The following SLC25A16 variants were observed in gnomAD, a reference collection of about 807,000 sequenced individuals.
SLC25A16 encodes solute carrier family 25 member 16.
Under a neutral mutation model 41.5 loss-of-function variants are expected in SLC25A16, and 39 were observed. The ratio of observed to expected loss-of-function variants is 0.94; its 90% confidence interval spans 0.73 to 1.23. SLC25A16 has a LOEUF of 1.23. Ranked by LOEUF, SLC25A16 falls within the 50% of genes most tolerant of loss-of-function variation. The probability of loss-of-function intolerance (pLI) is 0.00; values close to 1 mark genes in which losing one functional copy is unlikely to be tolerated. For missense variants in SLC25A16, 421 were observed against 426.9 expected (o/e 0.99, Z 0.12); for synonymous variants, 146 against 147.8 (o/e 0.99, Z 0.09).
intron 2 of SLC25A16, among the ~76,000 whole-genome samples, chr10:68,508,576 G>C (rs2052999591): frequency 6.6e-6 from 1 of 151,754 alleles, no homozygotes; most frequent in African/African-American, 2.4e-5. Flanking sequence ...AAATTATCTG[G>C]GCATGGTGGC....
In SLC25A16 at chr10:68,480,560, G is replaced by A. The variant is rs755241177; in HGVS notation, c.*2872C>T. 1 of 127,656 alleles carries A rather than the reference G, an allele frequency of 7.8e-6. No individual in the cohort carries two copies. Among genetic ancestry groups the A allele is most frequent in the Non-Finnish European group, 1.5e-5 (1 of 64,734 alleles). The allele number at this position is 127,656 out of a possible 1,614,324, so 7.9% of individuals were successfully genotyped here. A position where few individuals can be genotyped will look rare whatever the true frequency, so the allele number is the denominator to read the frequency against. ...CGCCCAGGTTAGAATGCAGTGGCAC[G>A]ATCTCGGCTCACTGCAAGCTCCGCC... On this transcript the variant is annotated 3_prime_UTR_variant, in exon 9 of 9. Transcript: ENST00000609923.
chr10:68,502,688 C>T (rs966879315), intron 4 of SLC25A16, among the ~76,000 whole-genome samples: 15 of 140,954 alleles, frequency 1.1e-4, no homozygotes, highest in Non-Finnish European at 1.5e-4. Context: ...GTTGTGATCA[C>T]GCCACTGCAC....
At chr10:68,484,847 T>C (rs2052533118) in intron 8 of SLC25A16, among the ~76,000 whole-genome samples, 1 of 152,112 alleles carries the variant, frequency 6.6e-6, no homozygotes, top group African/African-American at 2.4e-5. Context: ...AATGGAATGG[T>C]TCTAAATTAC....
At position 68,506,634 on chromosome 10, in the gene SLC25A16, A is replaced by T; in HGVS notation, c.308T>A (p.Ile103Asn). The T allele has an allele frequency of 6.2e-7, 1 of 1,605,946 alleles. No individual in the cohort carries two copies. The highest frequency in any genetic ancestry group is 1.1e-5 in the South Asian group (1 of 89,696). The change falls in exon 3 of 9, where the codon ATC becomes AAC. Residue 103 changes from isoleucine (I) to asparagine (N), a missense_variant. By Grantham distance (149) the Ile-to-Asn change is moderately radical. Transcript: ENST00000609923. ...YKGNGAMMIR[I>N]FPYGAIQFMA... is the part of the protein sequence containing the mutation. ...AAACTGGATTGCACCATAGGGAAAG[A>T]TTCGAATCATCATTGCACCATTTCC...
In SLC25A16 at chr10:68,481,695, C is replaced by T. The variant is rs763494295; in HGVS notation, c.*1737G>A. On this transcript the variant is annotated 3_prime_UTR_variant, in exon 9 of 9. Coordinates refer to ENST00000609923, the MANE Select transcript of SLC25A16 (RefSeq NM_152707.4). ...GTGGTGTGATCTCAGCTCACTGCAA[C>T]CTCCGCTTCCCGAGCTCAAGCAATT... is the stretch of plus-strand genomic sequence containing the variant. 2.0e-5 allele frequency: 3 copies of T among 152,096 alleles called. No homozygotes were observed. Among genetic ancestry groups the T allele is most frequent in the Non-Finnish European group, 4.4e-5 (3 of 68,072 alleles). 9.4% of individuals were successfully genotyped at this position (152,096 alleles called of 1,614,324 possible).
chr10:68,526,866 G>A (rs1383587505), intron 1 of SLC25A16, among the ~76,000 whole-genome samples: 1 of 152,102 alleles, frequency 6.6e-6, no homozygotes, highest in African/African-American at 2.4e-5. Flanking sequence ...TAAGCAAACA[G>A]CAAAATCCAA....
intron 2 of SLC25A16, among the ~76,000 whole-genome samples, chr10:68,515,573 C>G (rs11812676): frequency 0.044 from 6,655 of 151,882 alleles, 206 homozygotes; most frequent in Middle Eastern, 0.089. Context: ...CCGAGGCGGG[C>G]GGGTCACCTG....
intron 8 of SLC25A16, among the ~76,000 whole-genome samples, chr10:68,485,444 G>T (rs1011554931): frequency 4.6e-5 from 7 of 152,160 alleles, no homozygotes; most frequent in Admixed American, 4.6e-4. Flanking sequence ...GAGTGCAGTG[G>T]CATGATCTTG....
chr10:68,491,087 A>C (rs548337406), intron 6 of SLC25A16, among the ~76,000 whole-genome samples: 36 of 152,012 alleles, frequency 2.4e-4, no homozygotes, highest in African/African-American at 8.2e-4. Flanking sequence ...CCATGCTGCC[A>C]AGGCTGGTCT....
intron 2 of SLC25A16, among the ~76,000 whole-genome samples, chr10:68,508,127 A>G (rs2052988658): frequency 6.6e-6 from 1 of 152,096 alleles, no homozygotes; most frequent in Non-Finnish European, 1.5e-5. Context: ...GCTACTCAGC[A>G]GACTGAAGCA....
At chr10:68,525,417 T>G (rs1014813962) in intron 1 of SLC25A16, among the ~76,000 whole-genome samples, 6 of 152,172 alleles carry the variant, frequency 3.9e-5, no homozygotes, top group Admixed American at 3.9e-4. Flanking sequence ...ATTACAGGCG[T>G]GAGCCACCCT....
At chr10:68,495,709 G>A (rs1181753545) in intron 4 of SLC25A16, among the ~76,000 whole-genome samples, 5 of 148,970 alleles carry the variant, frequency 3.4e-5, no homozygotes, top group African/African-American at 5.0e-5. Flanking sequence ...TTGAACCCGG[G>A]AGGCAGAGAT....
In SLC25A16 at chr10:68,483,357, T is replaced by C; in HGVS notation, c.*75A>G. 1 of 949,826 alleles carries C rather than the reference T, an allele frequency of 1.1e-6. No homozygotes were observed. The highest frequency in any genetic ancestry group is 1.6e-6 in the Non-Finnish European group (1 of 640,764). The allele number at this position is 949,826 out of a possible 1,614,324, so 58.8% of individuals were successfully genotyped here. A position where few individuals can be genotyped will look rare whatever the true frequency, so the allele number is the denominator to read the frequency against. ...GGTAAATATCCCCATTCAAGTAATG[T>C]TCCCCCCACAATTATAGTAATGTTT... On this transcript the variant is annotated 3_prime_UTR_variant, in exon 9 of 9. Transcript: ENST00000609923.
intron 2 of SLC25A16, among the ~76,000 whole-genome samples, chr10:68,515,594 T>TTCGAGAGC (rs201688759): frequency 0.013 from 2,040 of 151,490 alleles, 42 homozygotes; most frequent in African/African-American, 0.047. Context: ...AGTTTGGGAG[T>TTCGAGAGC]TCGAGAGCAG....
At chr10:68,513,415 A>C (rs147604573) in intron 2 of SLC25A16, among the ~76,000 whole-genome samples, 69 of 148,996 alleles carry the variant, frequency 4.6e-4, no homozygotes, top group Non-Finnish European at 9.1e-4. Context: ...TCAAAAAAAA[A>C]AAAGAGGAAA....
Position 68,512,404 on chromosome 10 carries a change from G to A in SLC25A16, c.223+4347C>T, listed in dbSNP as rs1299464040. 5.0e-5 allele frequency among the ~76,000 whole-genome samples: 7 copies of A among 140,644 alleles called. 2 individuals carry two copies. Among genetic ancestry groups the A allele is most frequent in the African/African-American group, 1.6e-4 (6 of 36,382 alleles). 92.3% of individuals were successfully genotyped at this position (140,644 alleles called of 152,430 possible). On this transcript the variant is annotated intron_variant, in intron 2 of 8. Transcript: ENST00000609923. ...TGTAATCCCAGCACTTTGGGAGGCC[G>A]AGGCGGGCGGATCACGAGGTCAGGA...
Position 68,518,907 on chromosome 10 carries a change from A to C in SLC25A16, c.131-2064T>G, listed in dbSNP as rs573940025. ...TCTTATCCGAACTAATGAAAATAAT[A>C]GTTGGCCAGGTATGGTGACTCATAC... On this transcript the variant is annotated intron_variant, in intron 1 of 8. Coordinates refer to ENST00000609923, the MANE Select transcript of SLC25A16 (RefSeq NM_152707.4). Among the ~76,000 whole-genome samples the C allele has an allele frequency of 2.1e-3, 321 of 152,176 alleles. 1 individual carries two copies. Among genetic ancestry groups the C allele is most frequent in the African/African-American group, 7.2e-3 (299 of 41,552 alleles).
intron 1 of SLC25A16, among the ~76,000 whole-genome samples, chr10:68,523,912 A>T (rs533269725): frequency 6.6e-6 from 1 of 152,210 alleles, no homozygotes; most frequent in Admixed American, 6.5e-5. Context: ...CAGCCTGGCC[A>T]ACATGGTAAA....
intron 3 of SLC25A16, among the ~76,000 whole-genome samples, chr10:68,504,687 GT>G (rs1314217243): frequency 6.7e-6 from 1 of 150,140 alleles, no homozygotes; most frequent in South Asian, 2.1e-4. Context: ...CTTGTTTTTT[GT>G]TTTTTGTTTT....
Sources: allele counts gnomAD v4.1 joint callset (sites outside exome capture counted in the v4.1 genomes callset), GRCh38; gene constraint gnomAD v4.1.1; transcripts MANE v1.5; gene names NCBI Gene and HGNC (gene_info 2026-07-23, HGNC 2026-07-21).